CNNM4: variants seen among roughly 807,000 people sequenced by gnomAD.
CNNM4 encodes cyclin and CBS domain divalent metal cation transport mediator 4.
A neutral mutation model predicts 53.7 loss-of-function variants in CNNM4; 32 were observed. That is an observed-to-expected ratio of 0.60 (90% CI 0.45 to 0.80). The LOEUF is 0.80. Among genes scored for constraint, CNNM4 ranks in the 30% least tolerant of loss-of-function variants. CNNM4 has a pLI of 0.00. For synonymous variants in CNNM4, 410 were observed against 440.0 expected, an observed-to-expected ratio of 0.93 and a Z score of 0.85; for missense variants, 784 against 1,022.0, an observed-to-expected ratio of 0.77 and a Z score of 3.17.
intron 1 of CNNM4, among the ~76,000 whole-genome samples, chr2:96,793,309 TC>T (rs1454817563): frequency 6.6e-6 from 1 of 151,942 alleles, no homozygotes; most frequent in Non-Finnish European, 1.5e-5. Context: ...CAAAAAGATG[TC>T]CCCTCTGGAC....
At chr2:96,779,792 C>T (rs2078957645) in intron 1 of CNNM4, among the ~76,000 whole-genome samples, 1 of 151,556 alleles carries the variant, frequency 6.6e-6, no homozygotes, top group Non-Finnish European at 1.5e-5. Context: ...TACAGATCAA[C>T]TCAAAGACTT....
chr2:96,761,367 T>G lies in CNNM4; in HGVS notation c.368T>G (p.Val123Gly). 1 of 1,614,072 alleles carries G rather than the reference T, an allele frequency of 6.2e-7. No homozygotes were observed. Among genetic ancestry groups the G allele is most frequent in the Non-Finnish European group, 8.5e-7 (1 of 1,180,022 alleles). Residue 123 changes from valine to glycine, a missense_variant, in exon 1 of 7, where the codon GTG (valine) becomes GGG (glycine). Physicochemically the swap from Val to Gly is moderately radical, Grantham distance 109 (BLOSUM62 -3). This residue lies in a region of CNNM4 where 473 missense variants were observed against 624.6 expected (regional missense o/e 0.76). Transcript: ENST00000377075. This position sits in a 1 kb window ranked among gnomAD's most constrained non-coding sequence, Gnocchi z 6.0. ...CTGGTCGTCCAGCAGCTGGTCAACG[T>G]GAGCCGCGGGAACACGTCCGGCGTG... ...KDLVVQQLVN[V>G]SRGNTSGVLV...
Position 96,799,402 on chromosome 2 carries a change from G to C in CNNM4, c.1852-150G>C, listed in dbSNP as rs547530272. ...ATCCTCTCCCTGAGAGGCCACTCTT[G>C]ATCTCACAGGTCAGGCCCCTGAGCT... On this transcript the variant is annotated intron_variant, in intron 4 of 6. Transcript: ENST00000377075. 175 of 1,088,042 alleles carry C rather than the reference G, an allele frequency of 1.6e-4. No individual in the cohort carries two copies. In the African/African-American group the frequency reaches 2.1e-3, roughly 13 times the overall value. 67.4% of individuals were successfully genotyped at this position (1,088,042 alleles called of 1,614,324 possible).
chr2:96,809,112 G>A (rs1026163048), intron 6 of CNNM4: 34 of 1,114,704 alleles, frequency 3.1e-5, no homozygotes, highest in Non-Finnish European at 4.2e-5. Context: ...GAAGTGCTGG[G>A]ATTACAGGTG....
Position 96,761,454 on chromosome 2 carries a change from C to T in CNNM4, c.455C>T (p.Thr152Ile), listed in dbSNP as rs2153341541. The T allele has an allele frequency of 1.9e-6, 3 of 1,614,150 alleles. No homozygotes were observed. Among genetic ancestry groups the T allele is most frequent in the Middle Eastern group, 1.6e-4 (1 of 6,062 alleles). The change falls in exon 1 of 7, where the codon ACC becomes ATC. Residue 152 changes from threonine to isoleucine, a missense_variant. Physicochemically the swap from Thr to Ile is moderately conservative, Grantham distance 89 (BLOSUM62 -1). Around this residue, in one of 3 missense-constraint regions of CNNM4, gnomAD observed 473 missense variants for 624.6 expected, o/e 0.76. Coordinates refer to ENST00000377075, the MANE Select transcript of CNNM4 (RefSeq NM_020184.4). The surrounding 1 kb of genome is among the most constrained non-coding windows in gnomAD (Gnocchi z 6.0). Reference protein sequence around the residue: ...SESMKLYALCTRAQPDGPWLK... With the variant: ...SESMKLYALCIRAQPDGPWLK... ...AGCATGAAGCTGTATGCACTGTGCA[C>T]CCGGGCCCAGCCCGACGGGCCCTGG...
At chr2:96,765,846 G>C (rs1267746575) in intron 1 of CNNM4, among the ~76,000 whole-genome samples, 2 of 149,658 alleles carry the variant, frequency 1.3e-5, no homozygotes, top group Non-Finnish European at 3.0e-5. Context: ...CCCGGCTGGA[G>C]TGCAATGGCA....
intron 1 of CNNM4, among the ~76,000 whole-genome samples, chr2:96,782,126 T>C (rs2078980565): frequency 6.6e-6 from 1 of 152,230 alleles, no homozygotes; most frequent in Non-Finnish European, 1.5e-5. Context: ...CTGTATTTGA[T>C]TTGCCAATAT....
intron 1 of CNNM4, among the ~76,000 whole-genome samples, chr2:96,794,462 C>T (rs1226021406): frequency 2.6e-5 from 4 of 152,104 alleles, no homozygotes; most frequent in Non-Finnish European, 4.4e-5. Context: ...GCAGATGGCT[C>T]CATGCATTCT....
intron 1 of CNNM4, among the ~76,000 whole-genome samples, chr2:96,789,717 G>A (rs942444247): frequency 4.7e-5 from 7 of 150,476 alleles, no homozygotes; most frequent in African/African-American, 1.7e-4. Flanking sequence ...TTTTTTTTGA[G>A]ACAGAGTCTG....
chr2:96,761,722 C>T lies in CNNM4; in HGVS notation c.723C>T (p.Tyr241=). The T allele has an allele frequency of 6.2e-7, 1 of 1,609,940 alleles. No homozygotes were observed. Among genetic ancestry groups the T allele is most frequent in the South Asian group, 1.1e-5 (1 of 91,076 alleles). ...AGCCCATCCGGCGCAAGGGCAACTA[C>T]CTTCTCTGCTCGTTGCTCCTAGGGA... ...KIEPIRRKGN[Y]LLCSLLLGNV... is the part of the protein sequence containing the mutation. The change falls in exon 1 of 7, where the codon TAC becomes TAT. Residue 241 remains tyrosine (Y), a synonymous_variant. Transcript: ENST00000377075. The surrounding 1 kb of genome is among the most constrained non-coding windows in gnomAD (Gnocchi z 6.0).
intron 6 of CNNM4, 25 bp from the exon 7 acceptor site, chr2:96,809,295 A>G: frequency 6.2e-7 from 1 of 1,613,574 alleles, no homozygotes; most frequent in Non-Finnish European, 8.5e-7. Context: ...CCCTCCCTCC[A>G]TGAACTCATC....
intron 5 of CNNM4, among the ~76,000 whole-genome samples, chr2:96,806,407 C>T (rs1433412998): frequency 6.6e-6 from 1 of 151,596 alleles, no homozygotes; most frequent in Non-Finnish European, 1.5e-5. Context: ...CCTCAGTTCA[C>T]GACCCACTAA....
chr2:96,767,810 G>A (rs1001745848), intron 1 of CNNM4, among the ~76,000 whole-genome samples: 3 of 152,156 alleles, frequency 2.0e-5, no homozygotes, highest in African/African-American at 7.2e-5. Flanking sequence ...TGTGGCTCAC[G>A]CCTGTAATCC....
At chr2:96,796,191 C>T (rs2079102023) in intron 1 of CNNM4, among the ~76,000 whole-genome samples, 1 of 120,730 alleles carries the variant, frequency 8.3e-6, no homozygotes, top group Admixed American at 1.1e-4. Flanking sequence ...GTTGCCCAGG[C>T]TGGAGTGCAG....
At chr2:96,798,088 G>T (rs1176127753) in intron 3 of CNNM4, among the ~76,000 whole-genome samples, 3 of 152,054 alleles carry the variant, frequency 2.0e-5, no homozygotes, top group African/African-American at 7.2e-5. Context: ...GGGAGGCTAT[G>T]AGGTGGGACA....
Position 96,797,475 on chromosome 2 carries a change from G to A in CNNM4, c.1547-38G>A. ...TTCCAGTCTCTTCCTAAGTCCTCAG[G>A]GGTCTGTGTTCTCAATTCCACGCTC... On this transcript the variant is annotated intron_variant, in intron 2 of 6. Transcript: ENST00000377075. The surrounding 1 kb of genome is among the most constrained non-coding windows in gnomAD (Gnocchi z 6.0). The A allele has an allele frequency of 6.2e-7, 1 of 1,611,698 alleles. No individual in the cohort carries two copies. The highest frequency in any genetic ancestry group is 1.1e-5 in the South Asian group (1 of 91,078).
At chr2:96,779,621 A>T (rs1011518996) in intron 1 of CNNM4, among the ~76,000 whole-genome samples, 1 of 151,656 alleles carries the variant, frequency 6.6e-6, no homozygotes, top group Non-Finnish European at 1.5e-5. Context: ...TCTTAGATTT[A>T]ATTGATCTGT....
At chr2:96,773,748 C>T (rs2078899211) in intron 1 of CNNM4, among the ~76,000 whole-genome samples, 1 of 150,856 alleles carries the variant, frequency 6.6e-6, no homozygotes, top group Non-Finnish European at 1.5e-5. Context: ...GAGGCTAAGA[C>T]TGGAGAATTG....
Position 96,799,089 on chromosome 2 carries a change from G to A in CNNM4, c.1714G>A (p.Glu572Lys). 6.2e-7 allele frequency: 1 copy of A among 1,614,170 alleles called. No homozygotes were observed. Among genetic ancestry groups the A allele is most frequent in the South Asian group, 1.1e-5 (1 of 91,090 alleles). The change falls in exon 4 of 7, where the codon GAG (glutamate) becomes AAG (lysine). Residue 572 changes from glutamate (E) to lysine (K), a missense_variant. This residue lies in a region of CNNM4 where 307 missense variants were observed against 376.3 expected (regional missense o/e 0.82). Coordinates refer to ENST00000377075, the MANE Select transcript of CNNM4 (RefSeq NM_020184.4). ...VSQFSPSLIS[E>K]KILLRLLKYP... ...TCAGTTTAGCCCCTCCCTGATATCA[G>A]AGAAGATCCTGCTGCGGCTACTCAA... is the stretch of plus-strand genomic sequence containing the variant.
Sources: gnomAD v4.1 joint callset for allele counts (sites outside exome capture counted in the v4.1 genomes callset) on GRCh38, gnomAD v4.1.1 for gene constraint, gnomAD v4.1.1 regional missense constraint, Gnocchi (gnomAD v3.1) non-coding constraint, MANE v1.5 for transcripts, NCBI Gene and HGNC (gene_info 2026-07-23, HGNC 2026-07-21) for gene names.